Variants in ROBO2 observed in about 807,000 individuals in gnomAD.
ROBO2 encodes roundabout homolog 2.
ROBO2 carries 53 observed loss-of-function variants against 160.8 expected under a neutral mutation model. That is an observed-to-expected ratio of 0.33 (90% CI 0.26 to 0.41). The LOEUF (loss-of-function observed/expected upper bound fraction) is 0.41, where lower values mean the gene tolerates loss of function less well. ROBO2 is among the 10% of genes least tolerant of loss of function. ROBO2 has a pLI of 1.00. For synonymous variants in ROBO2, 664 were observed against 611.7 expected (o/e 1.09, Z -1.26); for missense variants, 1,577 against 1,722.4 (o/e 0.92, Z 1.49).
At chr3:76,415,181 T>A (rs1283139950) in intron 2 of ROBO2, among the ~76,000 whole-genome samples, 2 of 152,166 alleles carry the variant, frequency 1.3e-5, no homozygotes, top group African/African-American at 4.8e-5. Context: ...CAGAAGTACA[T>A]CGAAGGCTCC....
intron 2 of ROBO2, among the ~76,000 whole-genome samples, chr3:77,298,625 A>C (rs898184209): frequency 2.0e-5 from 3 of 152,164 alleles, no homozygotes; most frequent in African/African-American, 7.2e-5. Flanking sequence ...ACACTGTTGT[A>C]ATAGCTGCAC....
intron 2 of ROBO2, among the ~76,000 whole-genome samples, chr3:76,371,230 G>C (rs1200465181): frequency 6.6e-6 from 1 of 151,896 alleles, no homozygotes; most frequent in Non-Finnish European, 1.5e-5. Context: ...AAATAAAGAT[G>C]ATTTATTCCT....
chr3:76,488,896 C>T (rs760651618), intron 2 of ROBO2, among the ~76,000 whole-genome samples: 4 of 151,840 alleles, frequency 2.6e-5, no homozygotes, highest in South Asian at 2.1e-4. Context: ...CCTAGAAGGA[C>T]GATTTTGTGG....
intron 2 of ROBO2, among the ~76,000 whole-genome samples, chr3:76,178,770 T>C (rs926914403): frequency 9.9e-5 from 15 of 151,972 alleles, no homozygotes; most frequent in East Asian, 5.8e-4. Context: ...TGGAAAACCC[T>C]GTCTCTACTA....
intron 2 of ROBO2, among the ~76,000 whole-genome samples, chr3:77,033,816 G>C (rs2063466109): frequency 6.6e-6 from 1 of 151,860 alleles, no homozygotes; most frequent in African/African-American, 2.4e-5. Context: ...AAATTAATTT[G>C]TATGGCAAAT....
chr3:76,871,454 T>C (rs2072059555), intron 2 of ROBO2, among the ~76,000 whole-genome samples: 2 of 147,632 alleles, frequency 1.4e-5, no homozygotes, highest in Admixed American at 6.8e-5. Flanking sequence ...CTTGGGAGGC[T>C]GAGGCAGGAG....
intron 1 of ROBO2, among the ~76,000 whole-genome samples, chr3:77,090,299 T>A (rs2069972409): frequency 6.7e-6 from 1 of 148,816 alleles, no homozygotes; most frequent in South Asian, 2.1e-4. Context: ...ATATATATGA[T>A]TTCTTTTAAT....
chr3:77,174,627 T>C (rs1244834257), intron 2 of ROBO2, among the ~76,000 whole-genome samples: 8 of 152,098 alleles, frequency 5.3e-5, no homozygotes, highest in Admixed American at 5.2e-4. Context: ...CAAATCTTCA[T>C]TTATCATTTC....
intron 2 of ROBO2, among the ~76,000 whole-genome samples, chr3:76,032,086 AG>A (rs1484819279): frequency 6.6e-6 from 1 of 152,052 alleles, no homozygotes; most frequent in East Asian, 1.9e-4. Flanking sequence ...TAGTCTTGGG[AG>A]GGTGTATGTG....
At chr3:76,927,567 A>G (rs1435805493) in intron 2 of ROBO2, among the ~76,000 whole-genome samples, 1 of 152,210 alleles carries the variant, frequency 6.6e-6, no homozygotes, top group East Asian at 1.9e-4. Flanking sequence ...TCAAGGAAAG[A>G]AATACCATTT....
intron 2 of ROBO2, among the ~76,000 whole-genome samples, chr3:76,660,959 A>G (rs1325799950): frequency 6.6e-6 from 1 of 152,172 alleles, no homozygotes; most frequent in Non-Finnish European, 1.5e-5. Context: ...TCTTAAAAAT[A>G]TTAAAATATG....
chr3:76,014,897 C>T (rs773481625), intron 2 of ROBO2, among the ~76,000 whole-genome samples: 1 of 152,144 alleles, frequency 6.6e-6, no homozygotes, highest in African/African-American at 2.4e-5. Flanking sequence ...TACTGCACTC[C>T]AGTCTGAACC....
chr3:77,572,888 C>T (rs2093673003), intron 13 of ROBO2, among the ~76,000 whole-genome samples: 1 of 151,896 alleles, frequency 6.6e-6, no homozygotes, highest in African/African-American at 2.4e-5. Flanking sequence ...TTATAAACTG[C>T]CGACAAATTT....
rs1480304026 is a variant in ROBO2 at position 75,937,889 on chromosome 3, CTA to C, written c.109+289_109+290del. Among the ~76,000 whole-genome samples the C allele has an allele frequency of 1.4e-3, 151 of 110,154 alleles. 2 individuals carry two copies. Among genetic ancestry groups the C allele is most frequent in the Middle Eastern group, 5.4e-3 (1 of 184 alleles). 72.3% of individuals were successfully genotyped at this position (110,154 alleles called of 152,430 possible). A position where few individuals can be genotyped will look rare whatever the true frequency, so the allele number is the denominator to read the frequency against. ...TATATATATATGAGGTATTATGAGG[CTA>C]TGTGTGTGTGTGTGTGTTTTGGGTG... On this transcript the variant is annotated intron_variant, in intron 2 of 26. Transcript: ENST00000487694.
chr3:76,450,764 A>G (rs1250208714), intron 2 of ROBO2, among the ~76,000 whole-genome samples: 1 of 152,174 alleles, frequency 6.6e-6, no homozygotes, highest in African/African-American at 2.4e-5. Flanking sequence ...AAAATTTGCA[A>G]ATTTCAAATG....
At chr3:75,931,351 C>A (rs1012638576) in intron 1 of ROBO2, among the ~76,000 whole-genome samples, 2 of 152,030 alleles carry the variant, frequency 1.3e-5, no homozygotes, top group African/African-American at 4.8e-5. Flanking sequence ...ATTAATATTT[C>A]TTTTTTTCTT....
rs2082732324 is a variant in ROBO2, at chr3:77,200,270, TATATA to T, written c.388+101931_388+101935del. On this transcript the variant is annotated intron_variant, in intron 2 of 25. Transcript: ENST00000461745. ...TGTATATCCTAACTAACATATTTTATATATATATATATATATATATATATATATAT... is the reference window on the plus strand; with the variant it reads ...TGTATATCCTAACTAACATATTTTATTATATATATATATATATATATATAT... 1.2e-3 allele frequency among the ~76,000 whole-genome samples: 11 copies of T among 9,446 alleles called. 1 individual carries two copies. The highest frequency in any genetic ancestry group is 5.2e-3 in the African/African-American group (7 of 1,348). The allele number at this position is 9,446 out of a possible 152,430, so 6.2% of individuals were successfully genotyped here. A position where few individuals can be genotyped will look rare whatever the true frequency, so the allele number is the denominator to read the frequency against.
intron 2 of ROBO2, among the ~76,000 whole-genome samples, chr3:76,751,546 C>G (rs903331809): frequency 6.6e-6 from 1 of 152,156 alleles, no homozygotes; most frequent in Non-Finnish European, 1.5e-5. Flanking sequence ...ATCTACTCAT[C>G]TGACAAAGGG....
At chr3:76,489,850 TA>T (rs1178742360) in intron 2 of ROBO2, among the ~76,000 whole-genome samples, 19 of 152,058 alleles carry the variant, frequency 1.2e-4, no homozygotes, top group Admixed American at 6.6e-4. Flanking sequence ...TTTTTGCACT[TA>T]TTGAATTATA....
Sources: gnomAD v4.1 joint callset for allele counts (sites outside exome capture counted in the v4.1 genomes callset) on GRCh38, gnomAD v4.1.1 for gene constraint, MANE v1.5 for transcripts, NCBI Gene and HGNC (gene_info 2026-07-23, HGNC 2026-07-21) for gene names.